Variants in RICTOR observed in about 807,000 individuals in gnomAD.
RICTOR encodes rapamycin-insensitive companion of mTOR.
In RICTOR, 49 loss-of-function variants were observed where a neutral mutation model predicts 214.9. The observed-to-expected ratio is 0.23, with a 90% CI of 0.18 to 0.29. RICTOR has a LOEUF of 0.29. Among genes scored for constraint, RICTOR ranks in the 10% least tolerant of loss-of-function variants. The pLI is 1.00. For synonymous variants in RICTOR, 717 were observed against 711.3 expected (o/e 1.01, Z -0.13); for missense variants, 1,625 against 2,047.0 (o/e 0.79, Z 3.98).
At chr5:39,045,894 T>C (rs1561058407) in intron 2 of RICTOR, among the ~76,000 whole-genome samples, 2 of 152,014 alleles carry the variant, frequency 1.3e-5, no homozygotes, top group African/African-American at 2.4e-5. Flanking sequence ...ACCTGAAAAA[T>C]ATGTTGTTAC....
intron 21 of RICTOR, 78 bp from the exon 22 acceptor site, chr5:38,959,399 G>C: frequency 1.2e-6 from 1 of 824,408 alleles, no homozygotes; most frequent in South Asian, 2.2e-5. Flanking sequence ...ATTTTTTCCA[G>C]CTTTACTGAA....
At chr5:38,953,134 C>A in intron 28 of RICTOR, 43 bp from the exon 29 acceptor site, 4 of 1,345,784 alleles carry the variant, frequency 3.0e-6, no homozygotes, top group Non-Finnish European at 3.1e-6. Context: ...AAGAGTCACT[C>A]TTTCAAAAGA....
chr5:39,035,763 T>G (rs1273323368), intron 2 of RICTOR, among the ~76,000 whole-genome samples: 1 of 151,992 alleles, frequency 6.6e-6, no homozygotes, highest in African/African-American at 2.4e-5. Context: ...AAGAGAAGTT[T>G]AGAGAAAAAA....
At chr5:38,983,091 C>A (rs1481079513) in intron 7 of RICTOR, among the ~76,000 whole-genome samples, 1 of 152,146 alleles carries the variant, frequency 6.6e-6, no homozygotes, top group Non-Finnish European at 1.5e-5. Flanking sequence ...AGATCTCTCA[C>A]ATTACTTTCC....
At chr5:39,033,298 C>T (rs937570039) in intron 2 of RICTOR, among the ~76,000 whole-genome samples, 1 of 151,684 alleles carries the variant, frequency 6.6e-6, no homozygotes, top group Non-Finnish European at 1.5e-5. Flanking sequence ...CTCTGTTGCC[C>T]AGGCTGGAGC....
At chr5:39,070,819 C>T (rs1269955428) in intron 2 of RICTOR, among the ~76,000 whole-genome samples, 3 of 152,150 alleles carry the variant, frequency 2.0e-5, no homozygotes, top group Non-Finnish European at 4.4e-5. Flanking sequence ...CCTTGCAGTA[C>T]AAATGGCGAG....
chr5:38,971,817 A>G (rs775838800), intron 11 of RICTOR, 60 bp downstream of exon 11: 2 of 733,812 alleles, frequency 2.7e-6, no homozygotes, highest in Admixed American at 2.4e-5. Flanking sequence ...TTTTTTTTTT[A>G]TAATTAATTC....
rs575011722 is a variant in RICTOR, at chr5:38,974,865, T to G, written c.889+672A>C. On this transcript the variant is annotated intron_variant, in intron 10 of 37. Coordinates refer to ENST00000357387, the MANE Select transcript of RICTOR (RefSeq NM_152756.5). ...GGTTACCTAGGTACACAGAAATGTT[T>G]AGGTGAATTTCCTTTTTTTGCTTAT... is the stretch of plus-strand genomic sequence containing the variant. Among the ~76,000 whole-genome samples the G allele has an allele frequency of 1.6e-4, 25 of 152,306 alleles. No individual in the cohort carries two copies. The Middle Eastern group carries it at 0.01, about 62-fold the overall frequency.
intron 3 of RICTOR, among the ~76,000 whole-genome samples, chr5:39,016,635 T>C (rs75809181): frequency 0.019 from 2,879 of 151,780 alleles, 102 homozygotes; most frequent in African/African-American, 0.066. Flanking sequence ...CAGAAATAAA[T>C]GAAGAATGAG....
intron 30 of RICTOR, 104 bp from the exon 31 acceptor site, chr5:38,950,824 G>C (rs1028416108): frequency 2.2e-6 from 2 of 910,504 alleles, no homozygotes; most frequent in Non-Finnish European, 3.2e-6. Flanking sequence ...GTCATCTAGA[G>C]GAAAAAATTT....
chr5:38,942,761 C>A (rs1747731290), intron 37 of RICTOR, 72 bp downstream of exon 37: 1 of 1,260,922 alleles, frequency 7.9e-7, no homozygotes. Context: ...CAGCTATAAT[C>A]TGTATTTTAA....
intron 2 of RICTOR, among the ~76,000 whole-genome samples, chr5:39,038,366 C>G (rs959251189): frequency 6.6e-6 from 1 of 152,132 alleles, no homozygotes; most frequent in Non-Finnish European, 1.5e-5. Flanking sequence ...CAATATCATA[C>G]TGAATGGACA....
chr5:39,072,715 T>G (rs1035318938), intron 2 of RICTOR, among the ~76,000 whole-genome samples: 1 of 152,180 alleles, frequency 6.6e-6, no homozygotes, highest in African/African-American at 2.4e-5. Flanking sequence ...CTTTACATCT[T>G]TCTATACTAA....
At chr5:39,044,852 G>C (rs553539046) in intron 2 of RICTOR, among the ~76,000 whole-genome samples, 10 of 152,254 alleles carry the variant, frequency 6.6e-5, no homozygotes, top group African/African-American at 2.2e-4. Context: ...TATTCACGCA[G>C]TGCTAAAAAT....
chr5:39,036,866 T>C (rs1020666777), intron 2 of RICTOR, among the ~76,000 whole-genome samples: 2 of 152,124 alleles, frequency 1.3e-5, no homozygotes, highest in Non-Finnish European at 2.9e-5. Flanking sequence ...ACAATAATAA[T>C]GGGAGACTTT....
At chr5:39,003,054 C>T (rs1753760642) in intron 4 of RICTOR, among the ~76,000 whole-genome samples, 1 of 152,058 alleles carries the variant, frequency 6.6e-6, no homozygotes, top group Non-Finnish European at 1.5e-5. Context: ...CCATACCTCC[C>T]AAAAATCATT....
chr5:38,961,959 T>G (rs1243428458), intron 19 of RICTOR, among the ~76,000 whole-genome samples: 1 of 151,946 alleles, frequency 6.6e-6, no homozygotes, highest in Non-Finnish European at 1.5e-5. Context: ...AACTCCAAAG[T>G]CAAACAGGAA....
In RICTOR at chr5:38,940,524, T is replaced by C. The variant is rs1747446399; in HGVS notation, c.*1780A>G. The C allele has an allele frequency of 4.3e-6, 1 of 232,682 alleles. No homozygotes were observed. The highest frequency in any genetic ancestry group is 2.2e-5 in the African/African-American group (1 of 45,308). The allele number at this position is 232,682 out of a possible 1,614,324, so 14.4% of individuals were successfully genotyped here. ...CTTAGAAGTACTGTTGACATTTAAA[T>C]AAACACTTGGGTTCAGTGATAAAGT... On this transcript the variant is annotated 3_prime_UTR_variant, in exon 38 of 38. Transcript: ENST00000357387.
rs1554067970 is a variant in RICTOR, at chr5:38,990,665, A to AGATATATATATATCT, written c.583+283_583+284insAGATATATATATATC. 2.3e-4 allele frequency among the ~76,000 whole-genome samples: 2 copies of AGATATATATATATCT among 8,774 alleles called. 1 individual carries two copies. The highest frequency in any genetic ancestry group is 9.1e-4 in the Non-Finnish European group (2 of 2,192). The allele number at this position is 8,774 out of a possible 152,430, so 5.8% of individuals were successfully genotyped here. A position where few individuals can be genotyped will look rare whatever the true frequency, so the allele number is the denominator to read the frequency against. On this transcript the variant is annotated intron_variant, in intron 7 of 37. Transcript: ENST00000357387. ...ATATATCAGATATATGATATATATC[A>AGATATATATATATCT]GATATATATCAGATATATCATATAT...
Sources: gnomAD v4.1 joint callset for allele counts (sites outside exome capture counted in the v4.1 genomes callset) on GRCh38, gnomAD v4.1.1 for gene constraint, MANE v1.5 for transcripts, NCBI Gene and HGNC (gene_info 2026-07-23, HGNC 2026-07-21) for gene names.